The following GULP1 variants were observed in gnomAD, a reference collection of about 807,000 sequenced individuals.
GULP1 encodes PTB domain-containing engulfment adapter protein 1.
GULP1 carries 19 observed loss-of-function variants against 40.9 expected under a neutral mutation model. That is an observed-to-expected ratio of 0.46 (90% confidence interval 0.32 to 0.68). The LOEUF is 0.68. GULP1 is among the 30% of genes least tolerant of loss of function. The probability of loss-of-function intolerance (pLI) is 0.03; values close to 1 mark genes in which losing one functional copy is unlikely to be tolerated. For synonymous variants in GULP1, 119 were observed against 117.6 expected (o/e 1.01, Z -0.08); for missense variants, 312 against 362.2 (o/e 0.86, Z 1.12).
chr2:188,366,844 C>T (rs544164346), intron 1 of GULP1, among the ~76,000 whole-genome samples: 44 of 152,264 alleles, frequency 2.9e-4, no homozygotes, highest in Admixed American at 1.2e-3. Flanking sequence ...CCTCCCGACT[C>T]GGCCTCCCGA....
At chr2:188,526,188 T>C (rs1312047408) in intron 5 of GULP1, among the ~76,000 whole-genome samples, 1 of 152,198 alleles carries the variant, frequency 6.6e-6, no homozygotes, top group Non-Finnish European at 1.5e-5. Context: ...AAATACTTTA[T>C]TTCAAGTACT....
chr2:188,422,938 C>T (rs910736720), intron 2 of GULP1, among the ~76,000 whole-genome samples: 2 of 152,052 alleles, frequency 1.3e-5, no homozygotes, highest in African/African-American at 4.8e-5. Flanking sequence ...TTTCCAGATG[C>T]CTGTACTCTT....
intron 2 of GULP1, among the ~76,000 whole-genome samples, chr2:188,389,749 A>G (rs1036297292): frequency 9.2e-5 from 14 of 152,062 alleles, no homozygotes; most frequent in Non-Finnish European, 1.8e-4. Flanking sequence ...GTAGTTTTTT[A>G]TTCCTCACCC....
At chr2:188,335,805 C>G (rs1304362853) in intron 1 of GULP1, among the ~76,000 whole-genome samples, 1 of 152,138 alleles carries the variant, frequency 6.6e-6, no homozygotes, top group Non-Finnish European at 1.5e-5. Context: ...TAGGAGCTAG[C>G]AAGAAACTTA....
At chr2:188,368,939 G>GTATATATATATATATATA (rs56274020) in intron 1 of GULP1, among the ~76,000 whole-genome samples, 175 of 86,026 alleles carry the variant, frequency 2.0e-3, no homozygotes, top group Non-Finnish European at 2.5e-3. Context: ...ATATATGTGT[G>GTATATATATATATATATA]TATATATATA....
At chr2:188,468,378 A>G (rs912338917) in intron 2 of GULP1, among the ~76,000 whole-genome samples, 3 of 152,198 alleles carry the variant, frequency 2.0e-5, no homozygotes, top group Admixed American at 1.3e-4. Context: ...GATTATTTTT[A>G]AAATTGACAT....
chr2:188,563,512 A>G (rs968392546), intron 7 of GULP1, among the ~76,000 whole-genome samples: 1 of 149,570 alleles, frequency 6.7e-6, no homozygotes, highest in Middle Eastern at 3.5e-3. Context: ...TAATTTATAA[A>G]TGTAATTTAT....
chr2:188,524,233 A>G (rs1685557469), intron 5 of GULP1, among the ~76,000 whole-genome samples: 1 of 152,228 alleles, frequency 6.6e-6, no homozygotes, highest in African/African-American at 2.4e-5. Flanking sequence ...ATTCAATTGA[A>G]TAATGAATAG....
intron 6 of GULP1, 96 bp from the exon 7 acceptor site, chr2:188,541,085 C>T: frequency 9.9e-7 from 1 of 1,013,980 alleles, no homozygotes; most frequent in Non-Finnish European, 1.5e-6. Context: ...GATGATTGTT[C>T]TACTTTTAAA....
chr2:188,474,306 C>T (rs542861669), intron 2 of GULP1, among the ~76,000 whole-genome samples: 1 of 152,312 alleles, frequency 6.6e-6, no homozygotes, highest in East Asian at 1.9e-4. Flanking sequence ...CACTAGGACT[C>T]ACCTAAAACT....
chr2:188,361,210 CTT>C (rs1325561844), intron 1 of GULP1, among the ~76,000 whole-genome samples: 2 of 151,994 alleles, frequency 1.3e-5, no homozygotes, highest in Admixed American at 1.3e-4. Context: ...TCCCAGGCTT[CTT>C]TTTATCTAGT....
chr2:188,458,058 A>T (rs1229355449), intron 2 of GULP1, among the ~76,000 whole-genome samples: 2 of 152,144 alleles, frequency 1.3e-5, no homozygotes, highest in Non-Finnish European at 2.9e-5. Flanking sequence ...TATTCAACTG[A>T]GAAAATACAT....
At chr2:188,417,092 T>G (rs1234239692) in intron 2 of GULP1, among the ~76,000 whole-genome samples, 1 of 152,220 alleles carries the variant, frequency 6.6e-6, no homozygotes, top group Non-Finnish European at 1.5e-5. Flanking sequence ...TTTAACCTTA[T>G]ACAAATACAA....
intron 1 of GULP1, among the ~76,000 whole-genome samples, chr2:188,378,431 A>G (rs1360101763): frequency 2.6e-5 from 4 of 152,212 alleles, no homozygotes; most frequent in Admixed American, 2.0e-4. Flanking sequence ...AAGGTAGGAA[A>G]TGAAATTGTA....
At chr2:188,433,955 A>G (rs2057162838) in intron 2 of GULP1, among the ~76,000 whole-genome samples, 1 of 151,936 alleles carries the variant, frequency 6.6e-6, no homozygotes, top group African/African-American at 2.4e-5. Context: ...ATTATAGGTA[A>G]ACAATGGGGT....
At chr2:188,515,105 T>C (rs2065041426) in intron 4 of GULP1, among the ~76,000 whole-genome samples, 1 of 152,216 alleles carries the variant, frequency 6.6e-6, no homozygotes. Context: ...AGTCCACATT[T>C]AGTTTGAAAT....
intron 4 of GULP1, among the ~76,000 whole-genome samples, chr2:188,494,550 A>G (rs2062717757): frequency 6.6e-6 from 1 of 152,036 alleles, no homozygotes; most frequent in Non-Finnish European, 1.5e-5. Flanking sequence ...GCTATAGGCC[A>G]CCGTCATCTG....
intron 2 of GULP1, among the ~76,000 whole-genome samples, chr2:188,448,822 C>A (rs1559253412): frequency 1.3e-5 from 2 of 152,096 alleles, no homozygotes; most frequent in African/African-American, 2.4e-5. Context: ...TAAATGAGTT[C>A]TCATGAGATG....
At chr2:188,422,074 G>A (rs2055505429) in intron 2 of GULP1, among the ~76,000 whole-genome samples, 1 of 147,176 alleles carries the variant, frequency 6.8e-6, no homozygotes, top group South Asian at 2.1e-4. Context: ...ACTAACTGCT[G>A]GACACACTTT....
Sources: gnomAD v4.1 joint callset for allele counts (sites outside exome capture counted in the v4.1 genomes callset) on GRCh38, gnomAD v4.1.1 for gene constraint, MANE v1.5 for transcripts, NCBI Gene and HGNC (gene_info 2026-07-23, HGNC 2026-07-21) for gene names.